Variants in PLCXD3 observed in about 807,000 individuals in gnomAD.
PLCXD3 encodes PI-PLC X domain-containing protein 3.
Under a neutral mutation model 25.5 loss-of-function variants are expected in PLCXD3, and 19 were observed. The observed-to-expected ratio is 0.75, with a 90% CI of 0.52 to 1.09. The LOEUF (loss-of-function observed/expected upper bound fraction) is 1.09. Among genes scored for constraint, PLCXD3 ranks in the 50% least tolerant of loss-of-function variants. The pLI is 0.00. For synonymous variants in PLCXD3, 174 were observed against 137.6 expected (o/e 1.26, Z -1.85); for missense variants, 411 against 388.1 (o/e 1.06, Z -0.50).
intron 2 of PLCXD3, among the ~76,000 whole-genome samples, chr5:41,335,220 G>A (rs1743946148): frequency 2.0e-5 from 3 of 152,008 alleles, no homozygotes. Flanking sequence ...TCCCTTCTTT[G>A]GAAAAATTTC....
intron 1 of PLCXD3, among the ~76,000 whole-genome samples, chr5:41,425,579 A>G (rs1406651207): frequency 2.0e-5 from 3 of 152,308 alleles, no homozygotes; most frequent in Non-Finnish European, 4.4e-5. Flanking sequence ...CTACCACTAT[A>G]GTATCATACA....
At chr5:41,448,471 T>G (rs1228443305) in intron 1 of PLCXD3, among the ~76,000 whole-genome samples, 1 of 152,182 alleles carries the variant, frequency 6.6e-6, no homozygotes, top group African/African-American at 2.4e-5. Context: ...ATTGATAGAA[T>G]TAGAGAGCAA....
chr5:41,485,423 A>G (rs912210557), intron 1 of PLCXD3, among the ~76,000 whole-genome samples: 7 of 152,078 alleles, frequency 4.6e-5, no homozygotes, highest in Non-Finnish European at 1.0e-4. Flanking sequence ...AACCTTCTAA[A>G]TTGTATTCTT....
At chr5:41,487,361 C>A (rs540961721) in intron 1 of PLCXD3, among the ~76,000 whole-genome samples, 13 of 152,096 alleles carry the variant, frequency 8.5e-5, no homozygotes, top group Non-Finnish European at 1.9e-4. Context: ...TTTTTGGGTT[C>A]TCTTTCTCTT....
chr5:41,429,134 A>C (rs920014516), intron 1 of PLCXD3, among the ~76,000 whole-genome samples: 3 of 152,168 alleles, frequency 2.0e-5, no homozygotes, highest in African/African-American at 7.2e-5. Flanking sequence ...CTCTCAGGTT[A>C]AGCATATTGT....
chr5:41,403,628 C>T (rs1439866176), intron 1 of PLCXD3, among the ~76,000 whole-genome samples: 1 of 92,424 alleles, frequency 1.1e-5, no homozygotes, highest in African/African-American at 4.2e-5. Flanking sequence ...TTGTTCAATT[C>T]CCACCTATGA....
At chr5:41,351,875 ACTT>A (rs1177262560) in intron 2 of PLCXD3, among the ~76,000 whole-genome samples, 4 of 152,304 alleles carry the variant, frequency 2.6e-5, no homozygotes, top group African/African-American at 9.6e-5. Flanking sequence ...ATATCACTCA[ACTT>A]CTACTCTTCA....
chr5:41,401,003 TA>T lies in PLCXD3; in HGVS notation c.104-18470del, dbSNP rs1030495148. The stretch of plus-strand genomic sequence containing the variant: ...TGTACACATGAAAATTTTAAAAAGC[TA>T]AAAAAAAAATAAAAAAGAATATAGT... On this transcript the variant is annotated intron_variant, in intron 1 of 2. Coordinates refer to ENST00000377801, the MANE Select transcript of PLCXD3 (RefSeq NM_001005473.3). Among the ~76,000 whole-genome samples the T allele has an allele frequency of 1.2e-4, 7 of 58,098 alleles. No individual in the cohort carries two copies. The South Asian group carries it at 2.4e-3, about 20-fold the overall frequency. 38.1% of individuals were successfully genotyped at this position (58,098 alleles called of 152,430 possible). A position where few individuals can be genotyped will look rare whatever the true frequency, so the allele number is the denominator to read the frequency against.
chr5:41,321,080 T>C (rs1444945983), intron 2 of PLCXD3, among the ~76,000 whole-genome samples: 1 of 152,164 alleles, frequency 6.6e-6, no homozygotes, highest in African/African-American at 2.4e-5. Flanking sequence ...TTCAAAATAG[T>C]ACTGGAATTT....
At chr5:41,507,625 A>T (rs1749075662) in intron 1 of PLCXD3, among the ~76,000 whole-genome samples, 1 of 152,174 alleles carries the variant, frequency 6.6e-6, no homozygotes, top group African/African-American at 2.4e-5. Flanking sequence ...AACTCTGGGC[A>T]ATCTGGGTCA....
intron 2 of PLCXD3, among the ~76,000 whole-genome samples, chr5:41,324,033 A>T (rs755384679): frequency 6.6e-6 from 1 of 152,122 alleles, no homozygotes; most frequent in Non-Finnish European, 1.5e-5. Context: ...TCACAAACAG[A>T]GAATAGTTGG....
intron 1 of PLCXD3, among the ~76,000 whole-genome samples, chr5:41,452,192 G>T (rs1235887391): frequency 6.6e-6 from 1 of 151,948 alleles, no homozygotes; most frequent in Non-Finnish European, 1.5e-5. Context: ...TAAATTGCTT[G>T]TATAAGTTTG....
chr5:41,502,698 C>A (rs1346147381), intron 1 of PLCXD3, among the ~76,000 whole-genome samples: 1 of 152,128 alleles, frequency 6.6e-6, no homozygotes, highest in Non-Finnish European at 1.5e-5. Flanking sequence ...CGCGTAATTT[C>A]TCTCCAACAA....
intron 1 of PLCXD3, among the ~76,000 whole-genome samples, chr5:41,403,179 T>A (rs1746236695): frequency 6.6e-6 from 1 of 151,864 alleles, no homozygotes; most frequent in African/African-American, 2.4e-5. Flanking sequence ...ACTAAAAAGG[T>A]TTACTTTGTG....
At chr5:41,499,306 A>G (rs763199416) in intron 1 of PLCXD3, among the ~76,000 whole-genome samples, 3 of 151,804 alleles carry the variant, frequency 2.0e-5, no homozygotes, top group African/African-American at 4.8e-5. Context: ...TACATTGCAG[A>G]ATACAAAATC....
intron 1 of PLCXD3, among the ~76,000 whole-genome samples, chr5:41,447,350 G>C (rs2150513191): frequency 6.6e-6 from 1 of 152,260 alleles, no homozygotes; most frequent in African/African-American, 2.4e-5. Context: ...AAAAGACAAG[G>C]CCAAGATATT....
At chr5:41,448,402 C>T (rs893530723) in intron 1 of PLCXD3, among the ~76,000 whole-genome samples, 19 of 152,338 alleles carry the variant, frequency 1.2e-4, no homozygotes, top group Middle Eastern at 6.8e-3. Flanking sequence ...ATATGGCAAT[C>T]ATCTGAAAAA....
At chr5:41,410,421 G>A (rs748561351) in intron 1 of PLCXD3, among the ~76,000 whole-genome samples, 7 of 152,080 alleles carry the variant, frequency 4.6e-5, no homozygotes, top group Non-Finnish European at 1.0e-4. Flanking sequence ...GGGATTACAG[G>A]TGTGAGCCGC....
intron 1 of PLCXD3, among the ~76,000 whole-genome samples, chr5:41,495,741 G>A (rs59751170): frequency 0.21 from 32,681 of 152,094 alleles, 3,500 homozygotes; most frequent in East Asian, 0.28. Flanking sequence ...AGAATCCCTA[G>A]TTGGGCTGAT....
Sources: allele counts gnomAD v4.1 joint callset (sites outside exome capture counted in the v4.1 genomes callset), GRCh38; gene constraint gnomAD v4.1.1; transcripts MANE v1.5; gene names NCBI Gene and HGNC (gene_info 2026-07-23, HGNC 2026-07-21).